FOXK1: variants seen among roughly 807,000 people sequenced by gnomAD.
The protein encoded by FOXK1 is forkhead box K1.
Under a neutral mutation model 51.9 loss-of-function variants are expected in FOXK1, and 19 were observed. The observed-to-expected ratio is 0.37, with a 90% CI of 0.26 to 0.54. The LOEUF is 0.54. FOXK1 is among the 20% of genes least tolerant of loss of function. The probability of loss-of-function intolerance (pLI) is 0.87; values close to 1 mark genes in which losing one functional copy is unlikely to be tolerated. For missense variants in FOXK1, 870 were observed against 1,032.7 expected (o/e 0.84, Z 2.16); for synonymous variants, 537 against 482.6 (o/e 1.11, Z -1.48).
chr7:4,706,958 G>C (rs573840725), intron 1 of FOXK1, among the ~76,000 whole-genome samples: 3 of 152,146 alleles, frequency 2.0e-5, no homozygotes, highest in African/African-American at 7.2e-5. Context: ...CTAGACTTCC[G>C]GGCCACTTCC....
Position 4,759,596 on chromosome 7 carries a change from G to A in FOXK1, c.1696+1G>A. 6.5e-7 allele frequency: 1 copy of A among 1,534,408 alleles called. No homozygotes were observed. The highest frequency in any genetic ancestry group is 8.7e-7 in the Non-Finnish European group (1 of 1,145,376). On this transcript the variant is annotated splice_donor_variant, in intron 7 of 8. Transcript: ENST00000328914. LOFTEE classifies it high-confidence loss of function. Reference sequence around the variant, plus strand: ...CTGGACCTGGGCAGCGAGGCCAGAGGTAATGCAGCCGCGGCTGGCAGCCTT... The same window carrying A: ...CTGGACCTGGGCAGCGAGGCCAGAGATAATGCAGCCGCGGCTGGCAGCCTT...
At position 4,702,361 on chromosome 7, in the gene FOXK1, G is replaced by T. The variant is rs1369105990; in HGVS notation, c.560+19493G>T. Among the ~76,000 whole-genome samples the T allele has an allele frequency of 2.6e-5, 4 of 151,686 alleles. No homozygotes were observed. In the South Asian group the frequency reaches 6.3e-4, roughly 24 times the overall value. Reference sequence around the variant, plus strand: ...GTTTTTTTATTTATTTATTTTTTTTGAGATAGAGTCTCACTCTGTCGCCCA... The same window carrying T: ...GTTTTTTTATTTATTTATTTTTTTTTAGATAGAGTCTCACTCTGTCGCCCA... On this transcript the variant is annotated intron_variant, in intron 1 of 8. Coordinates refer to ENST00000328914, the MANE Select transcript of FOXK1 (RefSeq NM_001037165.2).
chr7:4,732,894 G>A (rs756050655), intron 1 of FOXK1, among the ~76,000 whole-genome samples: 5 of 152,118 alleles, frequency 3.3e-5, no homozygotes, highest in East Asian at 1.9e-4. Context: ...CTTCTTACTC[G>A]TCCAGCGTTC....
At chr7:4,684,237 A>G (rs956994066) in intron 1 of FOXK1, among the ~76,000 whole-genome samples, 4 of 152,068 alleles carry the variant, frequency 2.6e-5, no homozygotes, top group Non-Finnish European at 5.9e-5. Flanking sequence ...ACCAGTGTTT[A>G]TATTTCTTCA....
chr7:4,746,315 A>G (rs955726854), intron 2 of FOXK1, among the ~76,000 whole-genome samples: 4 of 152,056 alleles, frequency 2.6e-5, no homozygotes, highest in African/African-American at 9.7e-5. Context: ...AGGTCTTTTG[A>G]GTTTGGAGGT....
chr7:4,728,821 C>CT (rs1472099277), intron 1 of FOXK1, among the ~76,000 whole-genome samples: 2 of 151,826 alleles, frequency 1.3e-5, no homozygotes, highest in Non-Finnish European at 2.9e-5. Context: ...GGAAGGCTGC[C>CT]TAGATAGAGA....
chr7:4,687,500 C>T lies in FOXK1; in HGVS notation c.560+4632C>T, dbSNP rs189892793. ...GAGAGACGGGGTTTCACCACGTTGG[C>T]CAGGCTGGTCTGGAACTCCTGACCT... On this transcript the variant is annotated intron_variant, in intron 1 of 8. Transcript: ENST00000328914. Among the ~76,000 whole-genome samples the T allele has an allele frequency of 7.9e-5, 12 of 152,132 alleles. No individual in the cohort carries two copies. In the East Asian group the frequency reaches 2.3e-3, roughly 30 times the overall value.
Position 4,747,663 on chromosome 7 carries a change from G to T in FOXK1, c.746+6640G>T, listed in dbSNP as rs1780722902. 6.7e-6 allele frequency among the ~76,000 whole-genome samples: 1 copy of T among 149,478 alleles called. No individual in the cohort carries two copies. The highest frequency in any genetic ancestry group is 2.1e-4 in the South Asian group (1 of 4,714). On this transcript the variant is annotated intron_variant, in intron 2 of 8. Coordinates refer to ENST00000328914, the MANE Select transcript of FOXK1 (RefSeq NM_001037165.2). The surrounding 1 kb of genome is among the most constrained non-coding windows in gnomAD (Gnocchi z 9.2). Reference sequence around the variant, plus strand: ...CGATCCTCCCACTGCAGCCTCCTGAGTAGCTAGGACTACAGGCACCCACCA... The same window carrying T: ...CGATCCTCCCACTGCAGCCTCCTGATTAGCTAGGACTACAGGCACCCACCA...
chr7:4,746,410 T>C (rs1583206929), intron 2 of FOXK1, among the ~76,000 whole-genome samples: 3 of 152,288 alleles, frequency 2.0e-5, no homozygotes, highest in East Asian at 3.9e-4. Flanking sequence ...TCAAAGTTTC[T>C]GGTTGGCTGG....
chr7:4,748,269 G>A lies in FOXK1; in HGVS notation c.747-6190G>A, dbSNP rs893387320. 1.3e-5 allele frequency among the ~76,000 whole-genome samples: 2 copies of A among 152,142 alleles called. No individual in the cohort carries two copies. Among genetic ancestry groups the A allele is most frequent in the African/African-American group, 2.4e-5 (1 of 41,414 alleles). The stretch of plus-strand genomic sequence containing the variant: ...CTCTGAGTCGTATTCGTACGTGACT[G>A]TCTCTTGGTTTTTCCGTTTTAGATA... On this transcript the variant is annotated intron_variant, in intron 2 of 8. Transcript: ENST00000328914. This position sits in a 1 kb window ranked among gnomAD's most constrained non-coding sequence, Gnocchi z 4.9.
rs560046888 is a variant in FOXK1, at chr7:4,728,384, G to T, written c.561-12454G>T. ...GTTGTCCGGCTGCGGCTGTGCTGCTGTTGAGCATTAAGCTCATTCCACTTC... is the reference window on the plus strand; with the variant it reads ...GTTGTCCGGCTGCGGCTGTGCTGCTTTTGAGCATTAAGCTCATTCCACTTC... On this transcript the variant is annotated intron_variant, in intron 1 of 8. Transcript: ENST00000328914. Among the ~76,000 whole-genome samples the T allele has an allele frequency of 3.7e-3, 564 of 152,338 alleles. 3 individuals carry two copies. The highest frequency in any genetic ancestry group is 0.013 in the African/African-American group (531 of 41,574).
chr7:4,741,235 C>G (rs1037624033), intron 2 of FOXK1, among the ~76,000 whole-genome samples: 7 of 152,160 alleles, frequency 4.6e-5, no homozygotes, highest in African/African-American at 1.4e-4. Flanking sequence ...ATCACTTTTC[C>G]CACTGGAAAT....
intron 1 of FOXK1, among the ~76,000 whole-genome samples, chr7:4,737,475 C>T (rs78994606): frequency 0.039 from 5,815 of 148,744 alleles, 191 homozygotes; most frequent in Middle Eastern, 0.089. Context: ...TGTGTGTGTG[C>T]GTGGGTGTGG....
In FOXK1 at chr7:4,745,315, C is replaced by CGGGAGTGGCTT. The variant is rs1171735044; in HGVS notation, c.746+4298_746+4308dup. Reference sequence around the variant, plus strand: ...CCCAGGGCCCCTCATTCCCAGGAGTCGGGAGTGGCTTGGGAGCGGCTTTTT... The same window carrying CGGGAGTGGCTT: ...CCCAGGGCCCCTCATTCCCAGGAGTCGGGAGTGGCTTGGGAGTGGCTTGGGAGCGGCTTTTT... On this transcript the variant is annotated intron_variant, in intron 2 of 8. Coordinates refer to ENST00000328914, the MANE Select transcript of FOXK1 (RefSeq NM_001037165.2). The surrounding 1 kb of genome is among the most constrained non-coding windows in gnomAD (Gnocchi z 4.3). 1.3e-5 allele frequency among the ~76,000 whole-genome samples: 2 copies of CGGGAGTGGCTT among 152,094 alleles called. No homozygotes were observed. The highest frequency in any genetic ancestry group is 4.8e-5 in the African/African-American group (2 of 41,420).
chr7:4,720,921 AG>A (rs1170685729), intron 1 of FOXK1, among the ~76,000 whole-genome samples: 3 of 150,836 alleles, frequency 2.0e-5, no homozygotes, highest in African/African-American at 7.3e-5. Context: ...GATCCATAAA[AG>A]AAAAAAAAAA....
chr7:4,705,959 T>TATC (rs1780085524), intron 1 of FOXK1, among the ~76,000 whole-genome samples: 5 of 125,288 alleles, frequency 4.0e-5, no homozygotes, highest in African/African-American at 2.1e-4. Flanking sequence ...TATATATATA[T>TATC]GTATATATAT....
intron 1 of FOXK1, among the ~76,000 whole-genome samples, chr7:4,712,542 G>T (rs534424921): frequency 6.6e-6 from 1 of 152,236 alleles, no homozygotes; most frequent in Admixed American, 6.5e-5. Flanking sequence ...CCTGCCCCGC[G>T]CGCTTATTTG....
chr7:4,743,695 G>A lies in FOXK1; in HGVS notation c.746+2672G>A, dbSNP rs1780664252. On this transcript the variant is annotated intron_variant, in intron 2 of 8. Transcript: ENST00000328914. This position sits in a 1 kb window ranked among gnomAD's most constrained non-coding sequence, Gnocchi z 5.3. ...GTGGCCAAGACCAGCTCACGTGCTA[G>A]TGGAAGCTCACACCAGAAGAGGCTG... 6.6e-6 allele frequency among the ~76,000 whole-genome samples: 1 copy of A among 152,216 alleles called. No individual in the cohort carries two copies. The highest frequency in any genetic ancestry group is 2.4e-5 in the African/African-American group (1 of 41,454).
At chr7:4,751,458 TG>T (rs1174376129) in intron 2 of FOXK1, among the ~76,000 whole-genome samples, 3 of 152,196 alleles carry the variant, frequency 2.0e-5, no homozygotes, top group Non-Finnish European at 4.4e-5. Context: ...TGGAGCTGGG[TG>T]TCCCATCCCA....
Sources: allele counts gnomAD v4.1 joint callset (sites outside exome capture counted in the v4.1 genomes callset), GRCh38; gene constraint gnomAD v4.1.1; non-coding constraint Gnocchi (gnomAD v3.1); transcripts MANE v1.5; gene names NCBI Gene and HGNC (gene_info 2026-07-23, HGNC 2026-07-21).